STX3: variants seen among roughly 807,000 people sequenced by gnomAD.
The protein encoded by STX3 is syntaxin 3.
A neutral mutation model predicts 40.2 loss-of-function variants in STX3; 19 were observed. The ratio of observed to expected loss-of-function variants is 0.47; its 90% CI spans 0.33 to 0.69. The LOEUF is 0.69. Among genes scored for constraint, STX3 ranks in the 30% least tolerant of loss-of-function variants. The pLI is 0.02. For synonymous variants in STX3, 122 were observed against 132.2 expected (o/e 0.92, Z 0.53); for missense variants, 364 against 366.7 (o/e 0.99, Z 0.06).
At chr11:59,762,364 C>T (rs1237069345) in intron 1 of STX3, among the ~76,000 whole-genome samples, 1 of 152,190 alleles carries the variant, frequency 6.6e-6, no homozygotes, top group African/African-American at 2.4e-5. Flanking sequence ...GGTCAGGTTG[C>T]TTGGTGTCTT....
rs1345821786 is a variant in STX3 at position 59,755,451 on chromosome 11, C to T, written c.-155C>T. 2 of 859,078 alleles carry T rather than the reference C, an allele frequency of 2.3e-6. No individual in the cohort carries two copies. Among genetic ancestry groups the T allele is most frequent in the Non-Finnish European group, 3.2e-6 (2 of 616,744 alleles). The allele number at this position is 859,078 out of a possible 1,614,324, so 53.2% of individuals were successfully genotyped here. A position where few individuals can be genotyped will look rare whatever the true frequency, so the allele number is the denominator to read the frequency against. On this transcript the variant is annotated 5_prime_UTR_variant, in exon 1 of 11. Transcript: ENST00000337979. Reference sequence around the variant, plus strand: ...GGCTCCCGTGGCCTCGGACGCTCCTCCTAGCTAGCGGCCGCCGCCCGCCGC... The same window carrying T: ...GGCTCCCGTGGCCTCGGACGCTCCTTCTAGCTAGCGGCCGCCGCCCGCCGC...
chr11:59,788,995 T>C (rs766900181), intron 4 of STX3, 48 bp downstream of exon 4: 2 of 1,528,394 alleles, frequency 1.3e-6, no homozygotes, highest in Admixed American at 3.7e-5. Flanking sequence ...ACCATCTATC[T>C]CAGCTCCCCT....
chr11:59,781,152 A>G (rs1864355458), intron 2 of STX3, among the ~76,000 whole-genome samples: 1 of 148,804 alleles, frequency 6.7e-6, no homozygotes, highest in Non-Finnish European at 1.5e-5. Context: ...ATCCTAATTA[A>G]TCCAACACAC....
chr11:59,804,564 T>G lies in STX3; in HGVS notation c.*3740T>G, dbSNP rs1565199091. On this transcript the variant is annotated 3_prime_UTR_variant, in exon 11 of 11. Coordinates refer to ENST00000337979, the MANE Select transcript of STX3 (RefSeq NM_004177.5). The stretch of plus-strand genomic sequence containing the variant: ...GCTTGGGAATGGGCTGATCTGCTTA[T>G]GCAAAAATGCTACCAACCTTTCAAA... The G allele has an allele frequency of 6.6e-6, 1 of 152,224 alleles. No individual in the cohort carries two copies. The highest frequency in any genetic ancestry group is 1.5e-5 in the Non-Finnish European group (1 of 68,042). The allele number at this position is 152,224 out of a possible 1,614,324, so 9.4% of individuals were successfully genotyped here. A position where few individuals can be genotyped will look rare whatever the true frequency, so the allele number is the denominator to read the frequency against.
intron 1 of STX3, among the ~76,000 whole-genome samples, 177 bp downstream of exon 1, chr11:59,755,812 T>G (rs1309581575): frequency 2.0e-5 from 3 of 152,116 alleles, no homozygotes; most frequent in Admixed American, 6.5e-5. Context: ...TGCGGGGTCA[T>G]GTGCCCGGTG....
At chr11:59,768,787 A>T (rs761131003) in intron 1 of STX3, among the ~76,000 whole-genome samples, 12 of 152,098 alleles carry the variant, frequency 7.9e-5, no homozygotes, top group Non-Finnish European at 1.8e-4. Context: ...GGAGGTGGGT[A>T]TGGGCAGGAG....
intron 3 of STX3, among the ~76,000 whole-genome samples, chr11:59,788,111 C>A (rs1335318715): frequency 6.6e-6 from 1 of 152,186 alleles, no homozygotes; most frequent in African/African-American, 2.4e-5. Flanking sequence ...TCGTGGAATT[C>A]CTGCTTTTAG....
At chr11:59,757,399 C>T (rs938126324) in intron 1 of STX3, among the ~76,000 whole-genome samples, 1 of 152,346 alleles carries the variant, frequency 6.6e-6, no homozygotes, top group South Asian at 2.1e-4. Context: ...GAGGAAGATA[C>T]TCCATGGCCC....
intron 2 of STX3, 67 bp from the exon 3 acceptor site, chr11:59,786,970 C>A: frequency 1.4e-6 from 2 of 1,411,986 alleles, no homozygotes; most frequent in Non-Finnish European, 9.9e-7. Context: ...CTCTGCCAAA[C>A]GTTTATCTCA....
rs572199464 is a variant in STX3 at position 59,782,401 on chromosome 11, A to AT, written c.115-4634dup. On this transcript the variant is annotated intron_variant, in intron 2 of 10. Coordinates refer to ENST00000337979, the MANE Select transcript of STX3 (RefSeq NM_004177.5). ...CCTGGCATATGACAAATGTGCAGTAATTGCTGGCATTTTTGTATTTATCAT... is the reference window on the plus strand; with the variant it reads ...CCTGGCATATGACAAATGTGCAGTAATTTGCTGGCATTTTTGTATTTATCAT... 4.9e-3 allele frequency among the ~76,000 whole-genome samples: 748 copies of AT among 152,316 alleles called. 13 individuals are homozygous for AT. Among genetic ancestry groups the AT allele is most frequent in the Admixed American group, 0.043 (660 of 15,300 alleles).
intron 6 of STX3, 121 bp from the exon 7 acceptor site, chr11:59,792,978 G>A (rs779872027): frequency 8.0e-6 from 7 of 878,084 alleles, no homozygotes; most frequent in Non-Finnish European, 1.3e-5. Flanking sequence ...GAGGCAATTG[G>A]GGGAGTGTTG....
intron 9 of STX3, 70 bp from the exon 10 acceptor site, chr11:59,797,213 T>C: frequency 1.6e-6 from 2 of 1,247,660 alleles, no homozygotes; most frequent in Non-Finnish European, 2.4e-6. Flanking sequence ...AGGGGTTAGG[T>C]TTTGGATGAG....
intron 5 of STX3, among the ~76,000 whole-genome samples, chr11:59,791,094 T>G (rs1225316541): frequency 6.6e-6 from 1 of 151,950 alleles, no homozygotes; most frequent in South Asian, 2.1e-4. Context: ...TCAGGAAGAA[T>G]GGGGGGTAGC....
intron 1 of STX3, among the ~76,000 whole-genome samples, chr11:59,768,758 A>G (rs916191712): frequency 2.0e-5 from 3 of 152,112 alleles, no homozygotes; most frequent in Non-Finnish European, 2.9e-5. Flanking sequence ...ACATAATGGG[A>G]TTGGACCAGA....
At position 59,793,081 on chromosome 11, in the gene STX3, ACTT is replaced by A; in HGVS notation, c.467-14_467-12del. 2 of 1,612,332 alleles carry A rather than the reference ACTT, an allele frequency of 1.2e-6. No homozygotes were observed. The highest frequency in any genetic ancestry group is 1.7e-6 in the Non-Finnish European group (2 of 1,179,480). ...ACCGTGATCTTATATTTGACGCTCT[ACTT>A]CTTTTGTTACAAAGCTGGCAAAAAG... On this transcript the variant is annotated splice_polypyrimidine_tract_variant and intron_variant, in intron 6 of 10. Transcript: ENST00000337979.
chr11:59,781,100 T>TTTTTTTATATA (rs963410109), intron 2 of STX3, among the ~76,000 whole-genome samples: 5 of 146,308 alleles, frequency 3.4e-5, no homozygotes, highest in African/African-American at 1.3e-4. Flanking sequence ...TTTTTTTTTT[T>TTTTTTTATATA]TATATTAGCA....
intron 1 of STX3, among the ~76,000 whole-genome samples, chr11:59,763,358 C>T (rs1863133178): frequency 6.6e-6 from 1 of 152,136 alleles, no homozygotes; most frequent in Non-Finnish European, 1.5e-5. Flanking sequence ...GGCCTTTTCC[C>T]CCTCTTCTTC....
chr11:59,770,333 G>T (rs1863536457), intron 1 of STX3, among the ~76,000 whole-genome samples: 1 of 150,034 alleles, frequency 6.7e-6, no homozygotes, highest in African/African-American at 2.5e-5. Context: ...GTGTGTATAT[G>T]GGGTGTGGGT....
chr11:59,755,469 C>CCCG lies in STX3; in HGVS notation c.-128_-126dup. Reference sequence around the variant, plus strand: ...CGCTCCTCCTAGCTAGCGGCCGCCGCCCGCCGCCGCCTGCGCCTCCAGCTC... The same window carrying CCCG: ...CGCTCCTCCTAGCTAGCGGCCGCCGCCCGCCGCCGCCGCCTGCGCCTCCAGCTC... On this transcript the variant is annotated 5_prime_UTR_variant, in exon 1 of 11. Coordinates refer to ENST00000337979, the MANE Select transcript of STX3 (RefSeq NM_004177.5). 1 of 1,124,546 alleles carries CCCG rather than the reference C, an allele frequency of 8.9e-7. No homozygotes were observed. The highest frequency in any genetic ancestry group is 1.2e-6 in the Non-Finnish European group (1 of 853,270). 69.7% of individuals were successfully genotyped at this position (1,124,546 alleles called of 1,614,324 possible).
Sources: gnomAD v4.1 joint callset for allele counts (sites outside exome capture counted in the v4.1 genomes callset) on GRCh38, gnomAD v4.1.1 for gene constraint, MANE v1.5 for transcripts, NCBI Gene and HGNC (gene_info 2026-07-23, HGNC 2026-07-21) for gene names.